Variants in NUP153 observed in about 807,000 individuals in gnomAD.
The protein encoded by NUP153 is nucleoporin 153.
Under a neutral mutation model 134.6 loss-of-function variants are expected in NUP153, and 27 were observed. The ratio of observed to expected loss-of-function variants is 0.20; its 90% CI spans 0.15 to 0.28. The LOEUF (loss-of-function observed/expected upper bound fraction) is 0.28. Among genes scored for constraint, NUP153 ranks in the 10% least tolerant of loss-of-function variants. The pLI is 1.00. For missense variants in NUP153, 1,821 were observed against 1,731.3 expected (o/e 1.05, Z -0.92); for synonymous variants, 640 against 623.5 (o/e 1.03, Z -0.40).
chr6:17,666,714 T>C (rs1767552519), intron 8 of NUP153, among the ~76,000 whole-genome samples: 1 of 152,232 alleles, frequency 6.6e-6, no homozygotes, highest in Non-Finnish European at 1.5e-5. Flanking sequence ...GTACACCAAC[T>C]GTTTTGTTAA....
At chr6:17,621,430 A>C (rs1233706117) in intron 20 of NUP153, among the ~76,000 whole-genome samples, 1 of 152,364 alleles carries the variant, frequency 6.6e-6, no homozygotes, top group South Asian at 2.1e-4. Flanking sequence ...ACTATTCACA[A>C]CAGCCAAGAT....
At chr6:17,661,556 G>T in intron 11 of NUP153, 97 bp downstream of exon 11, 2 of 1,175,542 alleles carry the variant, frequency 1.7e-6, no homozygotes, top group Non-Finnish European at 2.3e-6. Context: ...TTTTGCTCTG[G>T]GTCTCTTCGA....
intron 12 of NUP153, 58 bp from the exon 13 acceptor site, chr6:17,647,963 G>T: frequency 9.7e-7 from 1 of 1,028,694 alleles, no homozygotes; most frequent in South Asian, 1.4e-5. Flanking sequence ...AAAATAAAGT[G>T]ACAAAAAAGA....
At position 17,705,837 on chromosome 6, in the gene NUP153, GC is replaced by G. The variant is rs373891082; in HGVS notation, c.111+439del. Among the ~76,000 whole-genome samples, 701 of 151,806 alleles carry G rather than the reference GC, an allele frequency of 4.6e-3. 4 individuals are homozygous for G. Among genetic ancestry groups the G allele is most frequent in the African/African-American group, 0.016 (672 of 41,346 alleles). On this transcript the variant is annotated intron_variant, in intron 1 of 21. Transcript: ENST00000262077. The stretch of plus-strand genomic sequence containing the variant: ...CCCAGAGTTAAGATTCCAAGGGGCA[GC>G]CCCCCCTCCTCAAACACACTAAAGA...
intron 12 of NUP153, among the ~76,000 whole-genome samples, chr6:17,648,258 G>A (rs1212340293): frequency 6.6e-6 from 1 of 152,222 alleles, no homozygotes; most frequent in Non-Finnish European, 1.5e-5. Flanking sequence ...AGCCATGACA[G>A]AGGGAATTGC....
intron 14 of NUP153, among the ~76,000 whole-genome samples, chr6:17,640,306 T>C (rs1269260579): frequency 6.6e-6 from 1 of 152,192 alleles, no homozygotes. Flanking sequence ...ATATAAACTA[T>C]AATTATCGTC....
chr6:17,662,966 T>G (rs1767283563), intron 9 of NUP153, among the ~76,000 whole-genome samples: 1 of 152,132 alleles, frequency 6.6e-6, no homozygotes. Context: ...CTAAAGGAGA[T>G]GAAGAGACAT....
At chr6:17,679,802 G>A (rs1378189778) in intron 2 of NUP153, among the ~76,000 whole-genome samples, 1 of 152,130 alleles carries the variant, frequency 6.6e-6, no homozygotes, top group African/African-American at 2.4e-5. Flanking sequence ...ATTCTTCGGT[G>A]CTCTCATAAT....
In NUP153 at chr6:17,669,184, T is replaced by C. The variant is rs566882123; in HGVS notation, c.1014+109A>G. On this transcript the variant is annotated intron_variant, in intron 7 of 21. Transcript: ENST00000262077. ...ACCTCTGCCTCCCAAGTTCAAGTGA[T>C]TCTCCTGCCTCAGCCTCCCAAGTAG... 18 of 1,092,420 alleles carry C rather than the reference T, an allele frequency of 1.6e-5. No homozygotes were observed. In the Admixed American group the frequency reaches 3.3e-4, roughly 20 times the overall value. The allele number at this position is 1,092,420 out of a possible 1,614,324, so 67.7% of individuals were successfully genotyped here. A position where few individuals can be genotyped will look rare whatever the true frequency, so the allele number is the denominator to read the frequency against.
At chr6:17,630,382 G>A (rs971304433) in intron 17 of NUP153, among the ~76,000 whole-genome samples, 8 of 152,188 alleles carry the variant, frequency 5.3e-5, no homozygotes, top group African/African-American at 1.4e-4. Context: ...ACATCAGACT[G>A]GGCGTGGTAG....
At chr6:17,621,973 G>GT (rs1277922041) in intron 20 of NUP153, among the ~76,000 whole-genome samples, 17 of 151,670 alleles carry the variant, frequency 1.1e-4, no homozygotes, top group African/African-American at 3.6e-4. Flanking sequence ...TTTTTTTAAA[G>GT]TTTTTCATTT....
intron 9 of NUP153, among the ~76,000 whole-genome samples, chr6:17,663,243 A>G (rs1431348249): frequency 4.5e-5 from 6 of 132,486 alleles, no homozygotes; most frequent in Non-Finnish European, 3.5e-5. Context: ...ACACACACAC[A>G]CACACACACA....
chr6:17,647,292 A>G (rs1325168668), intron 13 of NUP153, among the ~76,000 whole-genome samples: 1 of 152,224 alleles, frequency 6.6e-6, no homozygotes, highest in African/African-American at 2.4e-5. Flanking sequence ...ATCATGAAAG[A>G]AAAAAATGCC....
intron 11 of NUP153, among the ~76,000 whole-genome samples, chr6:17,657,580 C>A (rs1235691118): frequency 1.3e-5 from 2 of 151,744 alleles, no homozygotes; most frequent in African/African-American, 4.8e-5. Context: ...CAAAACAAAA[C>A]CTGGTGCCAT....
chr6:17,659,922 C>T (rs1384929097), intron 11 of NUP153, among the ~76,000 whole-genome samples: 2 of 152,058 alleles, frequency 1.3e-5, no homozygotes, highest in South Asian at 2.1e-4. Context: ...GTAATAGATT[C>T]CCTCCCTTCA....
chr6:17,652,619 T>A (rs1011309113), intron 11 of NUP153, among the ~76,000 whole-genome samples: 1 of 152,086 alleles, frequency 6.6e-6, no homozygotes, highest in African/African-American at 2.4e-5. Flanking sequence ...TCAAAAGATA[T>A]CATTAAGAAA....
chr6:17,685,148 AAATT>A (rs1309464145), intron 2 of NUP153, among the ~76,000 whole-genome samples: 10 of 152,242 alleles, frequency 6.6e-5, no homozygotes, highest in African/African-American at 2.4e-4. Context: ...TGTATTTATA[AAATT>A]AATATTTAGT....
intron 1 of NUP153, among the ~76,000 whole-genome samples, chr6:17,691,318 T>G (rs1027012032): frequency 2.0e-5 from 3 of 152,228 alleles, no homozygotes; most frequent in African/African-American, 7.2e-5. Flanking sequence ...CCTTTTTCTT[T>G]GCTAATATTA....
At chr6:17,651,795 C>A in intron 11 of NUP153, 2 of 560,418 alleles carry the variant, frequency 3.6e-6, no homozygotes, top group Middle Eastern at 3.6e-4. Flanking sequence ...CCTCAAAATC[C>A]ATGAAACAAA....
Sources: allele counts gnomAD v4.1 joint callset (sites outside exome capture counted in the v4.1 genomes callset), GRCh38; gene constraint gnomAD v4.1.1; transcripts MANE v1.5; gene names NCBI Gene and HGNC (gene_info 2026-07-23, HGNC 2026-07-21).